FGF13: variants seen among roughly 807,000 people sequenced by gnomAD.
The protein encoded by FGF13 is fibroblast growth factor homologous factor 2.
A neutral mutation model predicts 19.5 loss-of-function variants in FGF13; 2 were observed. The observed-to-expected ratio is 0.10, with a 90% CI of 0.04 to 0.32. The LOEUF is 0.32. FGF13 is among the 10% of genes least tolerant of loss of function. FGF13 has a pLI of 1.00. For synonymous variants in FGF13, 72 were observed against 76.9 expected (o/e 0.94, Z 0.33); for missense variants, 113 against 192.7 (o/e 0.59, Z 2.45).
At chrX:139,058,142 C>G (rs1487353140) in intron 1 of FGF13, among the ~76,000 whole-genome samples, 5 of 111,612 alleles carry the variant, frequency 4.5e-5, no homozygotes, top group Non-Finnish European at 9.4e-5. Context: ...CCTGCATCGT[C>G]TTGAATGCTA....
chrX:139,082,273 T>G (rs899875231), intron 1 of FGF13, among the ~76,000 whole-genome samples: 1 of 111,337 alleles, frequency 9.0e-6, no homozygotes, highest in Non-Finnish European at 1.9e-5. Context: ...TCTCCTCAAA[T>G]GTCCCCTCTT....
Position 138,625,441 on chromosome X carries a change from T to C in FGF13, c.*7409A>G, listed in dbSNP as rs1170733891. On this transcript the variant is annotated 3_prime_UTR_variant, in exon 5 of 5. Coordinates refer to ENST00000315930, the MANE Select transcript of FGF13 (RefSeq NM_004114.5). ...AACAACCTAAGTGCCCACGGACAGA[T>C]GAATGAAGAAAGAAAATTATATATA... The C allele has an allele frequency of 2.1e-5, 2 of 95,254 alleles. No individual in the cohort carries two copies. The highest frequency in any genetic ancestry group is 4.0e-5 in the Non-Finnish European group (2 of 49,599). The allele number at this position is 95,254 out of a possible 1,213,427, so 7.8% of individuals were successfully genotyped here. A position where few individuals can be genotyped will look rare whatever the true frequency, so the allele number is the denominator to read the frequency against.
At chrX:138,766,297 A>G (rs1409372131) in intron 3 of FGF13, among the ~76,000 whole-genome samples, 1 of 112,263 alleles carries the variant, frequency 8.9e-6, no homozygotes, top group Non-Finnish European at 1.9e-5. Context: ...TGTTGTATAA[A>G]TGAATGAATG....
chrX:139,015,862 C>T (rs1305208162), intron 1 of FGF13, among the ~76,000 whole-genome samples: 1 of 111,673 alleles, frequency 9.0e-6, no homozygotes, highest in Non-Finnish European at 1.9e-5. Flanking sequence ...AAAACAGAAA[C>T]ATAAATCAGC....
chrX:138,681,118 G>A (rs1040824351), intron 3 of FGF13, among the ~76,000 whole-genome samples: 10 of 101,930 alleles, frequency 9.8e-5, no homozygotes, highest in South Asian at 4.6e-4. Flanking sequence ...AGGTTGCAGC[G>A]AGCCAATATT....
intron 1 of FGF13, among the ~76,000 whole-genome samples, chrX:138,930,797 G>A (rs1240965132): frequency 9.0e-6 from 1 of 111,644 alleles, no homozygotes; most frequent in Non-Finnish European, 1.9e-5. Context: ...TTGACCAAAT[G>A]GATTTATAAT....
chrX:138,749,809 G>GT (rs1353688164), intron 3 of FGF13, among the ~76,000 whole-genome samples: 1 of 111,680 alleles, frequency 9.0e-6, no homozygotes, highest in Non-Finnish European at 1.9e-5. Flanking sequence ...GTCAGATTAT[G>GT]TGTGACCCCC....
chrX:139,020,990 G>T, intron 1 of FGF13, among the ~76,000 whole-genome samples: 1 of 111,358 alleles, frequency 9.0e-6, no homozygotes, highest in East Asian at 2.8e-4. Context: ...ATGATGAAAT[G>T]TTGGCAGTGA....
intron 3 of FGF13, among the ~76,000 whole-genome samples, chrX:138,838,703 C>T (rs1031615933): frequency 8.9e-6 from 1 of 111,780 alleles, no homozygotes; most frequent in Admixed American, 9.5e-5. Flanking sequence ...AGCTTCTAGT[C>T]AGCCTTCTTG....
At chrX:138,654,820 A>AT (rs961125401) in intron 3 of FGF13, among the ~76,000 whole-genome samples, 9 of 110,835 alleles carry the variant, frequency 8.1e-5, no homozygotes, top group Non-Finnish European at 1.7e-4. Flanking sequence ...CTGTGACCTC[A>AT]TTTTTTTTGG....
intron 1 of FGF13, among the ~76,000 whole-genome samples, chrX:139,065,312 C>A (rs1425889167): frequency 1.8e-5 from 2 of 109,537 alleles, no homozygotes; most frequent in Non-Finnish European, 3.8e-5. Flanking sequence ...CAATATTAAC[C>A]TTAAATGTAA....
At chrX:138,796,055 CT>C (rs991496259) in intron 3 of FGF13, among the ~76,000 whole-genome samples, 26 of 105,982 alleles carry the variant, frequency 2.5e-4, no homozygotes, top group Admixed American at 1.0e-3. Flanking sequence ...TTGTGTCTTT[CT>C]TTTTTTTTTA....
chrX:138,739,040 A>G (rs2090300985), intron 1 of FGF13, among the ~76,000 whole-genome samples: 1 of 110,317 alleles, frequency 9.1e-6, no homozygotes, highest in Non-Finnish European at 1.9e-5. Context: ...AAAAAAAATG[A>G]TGCATTTTTC....
rs1054045189 is a variant in FGF13, at chrX:139,015,628, T to C, written c.-112-150978A>G. Reference sequence around the variant, plus strand: ...AGAATCAATATTGTTAAAATGTCCATCCTACCCAAAGCAATCTACAGACTC... The same window carrying C: ...AGAATCAATATTGTTAAAATGTCCACCCTACCCAAAGCAATCTACAGACTC... On this transcript the variant is annotated intron_variant, in intron 1 of 2. Coordinates refer to the FGF13 transcript ENST00000421460. 2.7e-5 allele frequency among the ~76,000 whole-genome samples: 3 copies of C among 111,120 alleles called. No homozygotes were observed. The East Asian group carries it at 8.5e-4, about 32-fold the overall frequency.
chrX:139,083,651 C>A (rs2083385056), intron 1 of FGF13, among the ~76,000 whole-genome samples: 1 of 110,887 alleles, frequency 9.0e-6, no homozygotes, highest in Non-Finnish European at 1.9e-5. Context: ...GCAGGCAGAT[C>A]AGGAGGTCAG....
At chrX:138,670,606 A>T (rs1362213926) in intron 3 of FGF13, among the ~76,000 whole-genome samples, 2 of 111,981 alleles carry the variant, frequency 1.8e-5, no homozygotes, top group Non-Finnish European at 3.8e-5. Flanking sequence ...TCATTTACAT[A>T]CAATCAAGTA....
intron 1 of FGF13, among the ~76,000 whole-genome samples, chrX:139,159,513 A>C (rs1399223273): frequency 3.6e-5 from 4 of 111,291 alleles, no homozygotes; most frequent in African/African-American, 6.6e-5. Context: ...TAAATGCCCA[A>C]ATTACAAGAC....
chrX:138,868,998 T>C (rs1175869845), intron 1 of FGF13, among the ~76,000 whole-genome samples: 1 of 111,515 alleles, frequency 9.0e-6, no homozygotes, highest in Non-Finnish European at 1.9e-5. Flanking sequence ...GAAAATTATA[T>C]GATTGGAAGA....
At chrX:138,888,833 C>G (rs1037127406) in intron 1 of FGF13, among the ~76,000 whole-genome samples, 17 of 111,883 alleles carry the variant, frequency 1.5e-4, no homozygotes, top group African/African-American at 5.5e-4. Context: ...TGAAGAAACT[C>G]TATCGTCAAC....
Sources: allele counts gnomAD v4.1 joint callset (sites outside exome capture counted in the v4.1 genomes callset), GRCh38; gene constraint gnomAD v4.1.1; transcripts MANE v1.5; gene names NCBI Gene and HGNC (gene_info 2026-07-23, HGNC 2026-07-21).